CMTM4: variants seen among roughly 807,000 people sequenced by gnomAD.
CMTM4 encodes the protein CKLF like MARVEL transmembrane domain containing 4.
In CMTM4, 8 loss-of-function variants were observed where a neutral mutation model predicts 19.0. The observed-to-expected ratio is 0.42, with a 90% CI of 0.25 to 0.76. The LOEUF (loss-of-function observed/expected upper bound fraction) is 0.76. Among genes scored for constraint, CMTM4 ranks in the 30% least tolerant of loss-of-function variants. CMTM4 has a pLI of 0.27. For missense variants in CMTM4, 228 were observed against 290.2 expected, an observed-to-expected ratio of 0.79 and a Z score of 1.56; for synonymous variants, 106 against 121.1, an observed-to-expected ratio of 0.88 and a Z score of 0.82.
At chr16:66,683,166 TATATATATACATATGTATATATATATAC>T (rs2016958024) in intron 1 of CMTM4, among the ~76,000 whole-genome samples, 2 of 93,700 alleles carry the variant, frequency 2.1e-5, no homozygotes, top group Middle Eastern at 6.0e-3. Flanking sequence ...TATACGTATA[TATATATATACATATGTATATATATATAC>T]ATATATATAT....
At chr16:66,623,653 A>C (rs1265983326) in intron 2 of CMTM4, 151 bp from the exon 3 acceptor site, 2 of 550,626 alleles carry the variant, frequency 3.6e-6, no homozygotes, top group African/African-American at 3.8e-5. Context: ...TACTGGTCAC[A>C]CAAAAGAAGG....
intron 2 of CMTM4, among the ~76,000 whole-genome samples, chr16:66,626,122 A>C (rs2015733138): frequency 6.6e-6 from 1 of 152,232 alleles, no homozygotes; most frequent in Non-Finnish European, 1.5e-5. Flanking sequence ...CAGTTTTTCT[A>C]ACAAGTCAAC....
chr16:66,691,161 C>T (rs2017127829), intron 1 of CMTM4, among the ~76,000 whole-genome samples: 4 of 152,034 alleles, frequency 2.6e-5, no homozygotes, highest in Admixed American at 2.6e-4. Context: ...TTAAAAAGTC[C>T]TATACAAATA....
In CMTM4 at chr16:66,674,276, C is replaced by T. The variant is rs141453577; in HGVS notation, c.186+22064G>A. Among the ~76,000 whole-genome samples the T allele has an allele frequency of 3.4e-3, 512 of 152,270 alleles. 5 individuals carry two copies. In the Middle Eastern group the frequency reaches 0.044, roughly 13 times the overall value. ...AGATTCCTGAGGCCCAGCTGCTTGG[C>T]CCTTCCAAGGCTCCCTCAAAGGCCT... On this transcript the variant is annotated intron_variant, in intron 1 of 3. Coordinates refer to ENST00000394106, the MANE Select transcript of CMTM4 (RefSeq NM_181521.3).
At chr16:66,650,480 G>C (rs553621730) in intron 1 of CMTM4, among the ~76,000 whole-genome samples, 1 of 152,276 alleles carries the variant, frequency 6.6e-6, no homozygotes, top group South Asian at 2.1e-4. Flanking sequence ...CCCTTACAGA[G>C]GAGCAGCTCC....
chr16:66,685,591 AC>A (rs2017015953), intron 1 of CMTM4, among the ~76,000 whole-genome samples: 1 of 151,888 alleles, frequency 6.6e-6, no homozygotes, highest in Admixed American at 6.6e-5. Context: ...CCCTGTCCTT[AC>A]CTCTAAGCAT....
At chr16:66,669,438 CA>C (rs1329906689) in intron 1 of CMTM4, among the ~76,000 whole-genome samples, 13 of 144,082 alleles carry the variant, frequency 9.0e-5, no homozygotes, top group African/African-American at 3.1e-4. Context: ...TACTGTACAC[CA>C]AAAAAAGTCA....
Position 66,620,648 on chromosome 16 carries a change from G to C in CMTM4, c.*1410C>G, listed in dbSNP as rs1596899505. On this transcript the variant is annotated 3_prime_UTR_variant, in exon 4 of 4. Coordinates refer to ENST00000394106, the MANE Select transcript of CMTM4 (RefSeq NM_181521.3). ...AAGCTGTCAACATTTGTCAGCACTT[G>C]ATCTTGGGGATTTCTCCATGTTACT... 1 of 985,672 alleles carries C rather than the reference G, an allele frequency of 1.0e-6. No individual in the cohort carries two copies. Among genetic ancestry groups the C allele is most frequent in the Non-Finnish European group, 1.2e-6 (1 of 829,930 alleles). The allele number at this position is 985,672 out of a possible 1,614,324, so 61.1% of individuals were successfully genotyped here. A position where few individuals can be genotyped will look rare whatever the true frequency, so the allele number is the denominator to read the frequency against.
chr16:66,658,057 C>CA (rs1222913934), intron 1 of CMTM4, among the ~76,000 whole-genome samples: 1 of 152,050 alleles, frequency 6.6e-6, no homozygotes, highest in African/African-American at 2.4e-5. Flanking sequence ...TCCATCTCTA[C>CA]AAAAAATATT....
intron 1 of CMTM4, among the ~76,000 whole-genome samples, chr16:66,691,417 T>G (rs141686509): frequency 1.3e-5 from 2 of 152,112 alleles, no homozygotes; most frequent in African/African-American, 4.8e-5. Flanking sequence ...TGAAAAGATA[T>G]AGGCGGAGGT....
intron 1 of CMTM4, among the ~76,000 whole-genome samples, chr16:66,657,680 G>C (rs994501739): frequency 6.6e-5 from 10 of 152,074 alleles, no homozygotes; most frequent in African/African-American, 1.7e-4. Context: ...TCAAAATAAA[G>C]GCTTTTTAAA....
chr16:66,633,472 A>T (rs1432263973), intron 2 of CMTM4, among the ~76,000 whole-genome samples: 1 of 152,010 alleles, frequency 6.6e-6, no homozygotes, highest in Non-Finnish European at 1.5e-5. Context: ...GGCCGTGAGG[A>T]GCTCACTTTT....
chr16:66,635,355 A>G (rs1167597846), intron 2 of CMTM4, among the ~76,000 whole-genome samples: 2 of 152,164 alleles, frequency 1.3e-5, no homozygotes, highest in African/African-American at 4.8e-5. Context: ...TAGATCAGCA[A>G]CTCTCCTTTT....
chr16:66,604,168 G>C, the CMTM4 span: 4 of 152,716 alleles, frequency 2.6e-5, no homozygotes, highest in East Asian at 7.7e-4. Flanking sequence ...TGTGTGCCTG[G>C]AGCTGCGCTT....
chr16:66,676,044 C>T (rs1239634549), intron 1 of CMTM4, among the ~76,000 whole-genome samples: 2 of 152,020 alleles, frequency 1.3e-5, no homozygotes, highest in African/African-American at 4.8e-5. Context: ...ATAAATAAAT[C>T]ACACTCTAAC....
chr16:66,642,691 G>A (rs2016117045), intron 1 of CMTM4, among the ~76,000 whole-genome samples: 1 of 152,140 alleles, frequency 6.6e-6, no homozygotes, highest in Non-Finnish European at 1.5e-5. Flanking sequence ...ACTCCAGCCT[G>A]GGTGACGAAG....
rs774964259 is a variant in CMTM4 at position 66,696,719 on chromosome 16, C to T, written c.-194G>A. On this transcript the variant is annotated 5_prime_UTR_variant, in exon 1 of 4. Coordinates refer to ENST00000394106, the MANE Select transcript of CMTM4 (RefSeq NM_181521.3). The surrounding 1 kb of genome is among the most constrained non-coding windows in gnomAD (Gnocchi z 4.3). ...CGGCTCGGTCCGCTCGGGCTCGGCTCCCGCCGCCTCGGCAGCGGAAAGGGA... is the reference window on the plus strand; with the variant it reads ...CGGCTCGGTCCGCTCGGGCTCGGCTTCCGCCGCCTCGGCAGCGGAAAGGGA... 6.5e-6 allele frequency: 1 copy of T among 154,644 alleles called. No individual in the cohort carries two copies. The allele number at this position is 154,644 out of a possible 1,614,324, so 9.6% of individuals were successfully genotyped here. A position where few individuals can be genotyped will look rare whatever the true frequency, so the allele number is the denominator to read the frequency against.
downstream of CMTM4, among the ~76,000 whole-genome samples, chr16:66,614,431 C>T (rs1325234849): frequency 1.3e-5 from 2 of 152,230 alleles, no homozygotes; most frequent in Admixed American, 1.3e-4. This position sits in a 1 kb window ranked among gnomAD's most constrained non-coding sequence, Gnocchi z 4.9. Flanking sequence ...CAGAGGACTA[C>T]AGCCCTGGAG....
At chr16:66,630,599 C>T (rs1301277184) in intron 2 of CMTM4, among the ~76,000 whole-genome samples, 4 of 151,228 alleles carry the variant, frequency 2.6e-5, no homozygotes. Flanking sequence ...CTCGGCCTCC[C>T]GAGGTGCCGG....
Sources: allele counts gnomAD v4.1 joint callset (sites outside exome capture counted in the v4.1 genomes callset), GRCh38; gene constraint gnomAD v4.1.1; non-coding constraint Gnocchi (gnomAD v3.1); transcripts MANE v1.5; gene names NCBI Gene and HGNC (gene_info 2026-07-23, HGNC 2026-07-21).